Variants in WDHD1 observed in about 807,000 individuals in gnomAD.
WDHD1 encodes the protein WD repeat and HMG-box DNA binding protein 1.
Under a neutral mutation model 135.4 loss-of-function variants are expected in WDHD1, and 111 were observed. That is an observed-to-expected ratio of 0.82 (90% CI 0.70 to 0.96). The LOEUF (loss-of-function observed/expected upper bound fraction) is 0.96. Among genes scored for constraint, WDHD1 ranks in the 40% least tolerant of loss-of-function variants. WDHD1 has a pLI of 0.00. For synonymous variants in WDHD1, 434 were observed against 439.0 expected (o/e 0.99, Z 0.14); for missense variants, 1,351 against 1,336.3 (o/e 1.01, Z -0.17).
intron 24 of WDHD1, among the ~76,000 whole-genome samples, chr14:54,952,656 T>C (rs572473283): frequency 4.9e-4 from 75 of 152,266 alleles, no homozygotes; most frequent in Non-Finnish European, 9.3e-4. Flanking sequence ...AAAGTTCATA[T>C]GGAACCAAAA....
intron 11 of WDHD1, among the ~76,000 whole-genome samples, chr14:54,992,988 TAA>T (rs936234621): frequency 1.2e-4 from 18 of 152,084 alleles, no homozygotes; most frequent in African/African-American, 4.3e-4. Flanking sequence ...TATTAGATAA[TAA>T]AAAGTGTCAG....
Position 55,005,127 on chromosome 14 carries a change from T to C in WDHD1, c.600+2153A>G, listed in dbSNP as rs1032145940. 6 of 534,648 alleles carry C rather than the reference T, an allele frequency of 1.1e-5. No individual in the cohort carries two copies. The Admixed American group carries it at 1.2e-4, about 11-fold the overall frequency. 33.1% of individuals were successfully genotyped at this position (534,648 alleles called of 1,614,324 possible). On this transcript the variant is annotated intron_variant, in intron 7 of 25. Transcript: ENST00000360586. The stretch of plus-strand genomic sequence containing the variant: ...ATCAGGCATGACCTCCCACAGGAAA[T>C]GGTGCCACACATGCGAACTTCCTGG...
At chr14:54,966,726 T>TTTATTTTAC in intron 17 of WDHD1, 120 bp from the exon 18 acceptor site, 1 of 1,123,712 alleles carries the variant, frequency 8.9e-7, no homozygotes. Flanking sequence ...TTCCTTTCTA[T>TTTATTTTAC]AAGTTTATTT....
At chr14:54,944,569 A>T in intron 24 of WDHD1, 99 bp from the exon 25 acceptor site, 1 of 1,086,398 alleles carries the variant, frequency 9.2e-7, no homozygotes, top group Non-Finnish European at 1.3e-6. Context: ...TCTGACATCT[A>T]TTATATAAAG....
intron 2 of WDHD1, among the ~76,000 whole-genome samples, chr14:55,015,620 A>T (rs899459099): frequency 3.3e-5 from 5 of 152,102 alleles, no homozygotes; most frequent in Non-Finnish European, 7.4e-5. Context: ...ATGGATTCAG[A>T]TGTAAGACCC....
Position 55,017,719 on chromosome 14 carries a change from A to T in WDHD1, c.78-4123T>A, listed in dbSNP as rs61975393. Among the ~76,000 whole-genome samples, 596 of 152,346 alleles carry T rather than the reference A, an allele frequency of 3.9e-3. 2 individuals carry two copies. Among genetic ancestry groups the T allele is most frequent in the Admixed American group, 0.011 (166 of 15,304 alleles). ...CTTGAATTTGGAATTACAATTCATG[A>T]TTCTATCCAAATGAGCTGCAAGATA... On this transcript the variant is annotated intron_variant, in intron 2 of 25. Transcript: ENST00000360586.
At chr14:55,020,683 G>A (rs2042331562) in intron 2 of WDHD1, among the ~76,000 whole-genome samples, 1 of 152,138 alleles carries the variant, frequency 6.6e-6, no homozygotes, top group African/African-American at 2.4e-5. Context: ...AGATGTAAAG[G>A]TGACCCTTGA....
chr14:55,025,515 AG>A (rs1299172674), intron 2 of WDHD1, among the ~76,000 whole-genome samples: 1 of 152,228 alleles, frequency 6.6e-6, no homozygotes, highest in Non-Finnish European at 1.5e-5. Context: ...AAACTAATAC[AG>A]GTATCTTCTA....
intron 11 of WDHD1, among the ~76,000 whole-genome samples, chr14:54,994,966 T>TAAATATCTA (rs1212613819): frequency 3.3e-5 from 5 of 152,042 alleles, no homozygotes; most frequent in African/African-American, 1.2e-4. Context: ...ACGATAGATA[T>TAAATATCTA]TTATTAATTT....
At chr14:55,012,766 C>T (rs1008954336) in intron 3 of WDHD1, among the ~76,000 whole-genome samples, 4 of 151,998 alleles carry the variant, frequency 2.6e-5, no homozygotes, top group Non-Finnish European at 4.4e-5. Context: ...TCAAACTCAC[C>T]CTTTTATGAT....
At chr14:55,018,153 T>C (rs2140230908) in intron 2 of WDHD1, among the ~76,000 whole-genome samples, 1 of 152,328 alleles carries the variant, frequency 6.6e-6, no homozygotes, top group South Asian at 2.1e-4. Flanking sequence ...AGTGTCCTAC[T>C]GTAATAATGG....
At chr14:54,997,560 A>G (rs77333710) in intron 10 of WDHD1, among the ~76,000 whole-genome samples, 6,707 of 152,262 alleles carry the variant, frequency 0.044, 546 homozygotes, top group African/African-American at 0.15. Flanking sequence ...TTCCATTTAT[A>G]GTCCTAAAAG....
Position 55,010,435 on chromosome 14 carries a change from G to C in WDHD1, c.215C>G (p.Ser72Cys), listed in dbSNP as rs2042149990. The C allele has an allele frequency of 1.9e-6, 3 of 1,598,924 alleles. 1 individual carries two copies. The South Asian group carries it at 3.4e-5, about 18-fold the overall frequency. Reference protein sequence around the residue: ...LKSGKLVTAVSNNTIQVHTFP... With the variant: ...LKSGKLVTAVCNNTIQVHTFP... ...TGTGTGGACTTGAATAGTATTATTA[G>C]AAACTGCAGTGACCAGTTTTCCACT... Residue 72 changes from serine to cysteine, a missense_variant, in exon 4 of 26, where the codon TCT becomes TGT. This residue lies in a region of WDHD1 where 1,330 missense variants were observed against 1,296.1 expected (regional missense o/e 1.03). Transcript: ENST00000360586.
intron 11 of WDHD1, 102 bp downstream of exon 11, chr14:54,995,500 CT>C: frequency 1.1e-6 from 1 of 943,636 alleles, no homozygotes; most frequent in East Asian, 2.7e-5. Context: ...CTAAGCACCA[CT>C]TAGCTACATT....
In WDHD1 at chr14:54,963,058, C is replaced by T. The variant is rs202214344; in HGVS notation, c.2425G>A (p.Ala809Thr). 36 of 1,613,592 alleles carry T rather than the reference C, an allele frequency of 2.2e-5. No individual in the cohort carries two copies. In the Admixed American group the frequency reaches 5.2e-4, roughly 23 times the overall value. ...ACAGCCAGTTCACTTAGTTTTTGAG[C>T]CAGTATTAATTTCCGAGAGCGAGAA... is the stretch of plus-strand genomic sequence containing the variant. Reference protein sequence around the residue: ...YASRSRKLILAQKLSELAVEK... With the variant: ...YASRSRKLILTQKLSELAVEK... Residue 809 changes from alanine to threonine, a missense_variant, in exon 19 of 26, where the codon GCT becomes ACT. By Grantham distance (58) the Ala-to-Thr change is moderately conservative. Transcript: ENST00000360586.
chr14:55,025,675 G>A (rs1246807455), intron 2 of WDHD1, among the ~76,000 whole-genome samples: 5 of 152,214 alleles, frequency 3.3e-5, no homozygotes, highest in Non-Finnish European at 5.9e-5. Flanking sequence ...ATAAAGTCCA[G>A]AAGGTCTTGG....
intron 21 of WDHD1, 67 bp from the exon 22 acceptor site, chr14:54,957,702 C>T: frequency 7.8e-7 from 1 of 1,289,538 alleles, no homozygotes; most frequent in Middle Eastern, 2.0e-4. Flanking sequence ...ATCTATAATA[C>T]TAGACAGAGT....
chr14:55,002,456 C>T (rs1419674540), intron 7 of WDHD1, among the ~76,000 whole-genome samples: 1 of 151,850 alleles, frequency 6.6e-6, no homozygotes, highest in Non-Finnish European at 1.5e-5. Flanking sequence ...TTTTAATTGG[C>T]AACTAATGAA....
chr14:54,998,822 G>T (rs1353279923), intron 10 of WDHD1, among the ~76,000 whole-genome samples: 1 of 151,950 alleles, frequency 6.6e-6, no homozygotes, highest in Non-Finnish European at 1.5e-5. Flanking sequence ...CAGTATTTAG[G>T]TTATTAAGAT....
Sources: allele counts gnomAD v4.1 joint callset (sites outside exome capture counted in the v4.1 genomes callset), GRCh38; gene constraint gnomAD v4.1.1; regional missense constraint gnomAD v4.1.1; transcripts MANE v1.5; gene names NCBI Gene and HGNC (gene_info 2026-07-23, HGNC 2026-07-21).